Variants in SIGLEC1 observed in about 807,000 individuals in gnomAD.
SIGLEC1 encodes the protein sialoadhesin.
Under a neutral mutation model 148.0 loss-of-function variants are expected in SIGLEC1, and 132 were observed. That is an observed-to-expected ratio of 0.89 (90% confidence interval 0.77 to 1.03). The LOEUF (loss-of-function observed/expected upper bound fraction) is 1.03, where lower values mean the gene tolerates loss of function less well. SIGLEC1 is among the 50% of genes least tolerant of loss of function. The pLI is 0.00. For missense variants in SIGLEC1, 2,253 were observed against 2,271.4 expected, an observed-to-expected ratio of 0.99 and a Z score of 0.16; for synonymous variants, 945 against 969.0, an observed-to-expected ratio of 0.98 and a Z score of 0.46.
rs776096056 is a variant in SIGLEC1 at position 3,707,131 on chromosome 20, C to G, written c.-3G>C. The G allele has an allele frequency of 4.3e-6, 7 of 1,613,992 alleles. No individual in the cohort carries two copies. The South Asian group carries it at 7.7e-5, about 18-fold the overall frequency. ...AGAAGCTTGGGCAAGAAGCCCATAG[C>G]AGGTTCTTGTGCTGCTCCTGTTGCC... On this transcript the variant is annotated 5_prime_UTR_variant, in exon 2 of 22. Coordinates refer to ENST00000344754, the MANE Select transcript of SIGLEC1 (RefSeq NM_023068.4).
chr20:3,706,454 A>G lies in SIGLEC1; in HGVS notation c.302T>C (p.Leu101Pro). 6.2e-7 allele frequency: 1 copy of G among 1,614,114 alleles called. No individual in the cohort carries two copies. The highest frequency in any genetic ancestry group is 8.5e-7 in the Non-Finnish European group (1 of 1,180,032). ...GTCCTCGGGCTGCAGGTCCTTCAGC[A>G]GCAGGTTGCACACCCTGTGCTCGGG... ...GNPEHRVCNL[L>P]LKDLQPEDSG... The change falls in exon 3 of 22, where the codon CTG (leucine) becomes CCG (proline). Residue 101 changes from leucine to proline, a missense_variant. Physicochemically the swap from Leu to Pro is moderately conservative, Grantham distance 98. Coordinates refer to ENST00000344754, the MANE Select transcript of SIGLEC1 (RefSeq NM_023068.4).
chr20:3,690,263 G>A lies in SIGLEC1; in HGVS notation c.4593C>T (p.Tyr1531=), dbSNP rs1052977076. 1 of 1,541,332 alleles carries A rather than the reference G, an allele frequency of 6.5e-7. No individual in the cohort carries two copies. The highest frequency in any genetic ancestry group is 8.8e-7 in the Non-Finnish European group (1 of 1,142,116). Reference sequence around the variant, plus strand: ...CCATCATGGTGGGCGTCTTGGGAGGGTCTGTGGGGAGGAAGGGAGTGTGGT... The same window carrying A: ...CCATCATGGTGGGCGTCTTGGGAGGATCTGTGGGGAGGAAGGGAGTGTGGT... ...ASAPVMLRVL[Y]PPKTPTMMVF... The change falls in exon 19 of 22, where the codon TAC becomes TAT. Residue 1531 remains tyrosine, a splice_region_variant and synonymous_variant. Transcript: ENST00000344754.
At chr20:3,701,269 T>C (rs2087848528) in intron 7 of SIGLEC1, 73 bp downstream of exon 7, 1 of 1,385,470 alleles carries the variant, frequency 7.2e-7, no homozygotes, top group Non-Finnish European at 9.8e-7. Flanking sequence ...ACTAGACTTC[T>C]AGAAGGAACA....
Position 3,690,108 on chromosome 20 carries a change from G to T in SIGLEC1, c.4748C>A (p.Ala1583Glu), listed in dbSNP as rs754513185. 1.9e-6 allele frequency: 3 copies of T among 1,610,994 alleles called. No homozygotes were observed. The highest frequency in any genetic ancestry group is 1.7e-5 in the Admixed American group (1 of 59,806). Residue 1583 changes from alanine to glutamate, a missense_variant, in exon 19 of 22, where the codon GCA becomes GAA. Physicochemically the swap from Ala to Glu is moderately radical, Grantham distance 107. Transcript: ENST00000344754. ...AGCCAGGACATGGATGTGTGGCTCT[G>T]CAGGAGCACCCTGGGGCTGACTGGA... ...VASSQPQGAP[A>E]EPHIHVLASP...
Position 3,698,009 on chromosome 20 carries a change from G to C in SIGLEC1, c.1911C>G (p.Leu637=). ...DSDPPARLQL[L]HKDRVVATSL... Reference sequence around the variant, plus strand: ...AAGTGGCCACAACACGGTCCTTGTGGAGCAGCTGCAGCCTGGCGGGGGGGT... The same window carrying C: ...AAGTGGCCACAACACGGTCCTTGTGCAGCAGCTGCAGCCTGGCGGGGGGGT... The change falls in exon 9 of 22, where the codon CTC becomes CTG. Residue 637 remains leucine (L), a synonymous_variant. Transcript: ENST00000344754. 1 of 1,610,828 alleles carries C rather than the reference G, an allele frequency of 6.2e-7. No homozygotes were observed. The highest frequency in any genetic ancestry group is 8.5e-7 in the Non-Finnish European group (1 of 1,178,796).
rs1300265541 is a variant in SIGLEC1, at chr20:3,703,396, T to C, written c.1029A>G (p.Thr343=). 1.2e-6 allele frequency: 2 copies of C among 1,604,676 alleles called. No individual in the cohort carries two copies. Among genetic ancestry groups the C allele is most frequent in the Non-Finnish European group, 8.5e-7 (1 of 1,174,680 alleles). ...AGPILENQTV[T]LVCNTPNEAP... is the part of the protein sequence containing the mutation. ...CCTCATTGGGTGTGTTGCAGACTAG[T>C]GTCACTGTCTGGTTCTCCAGGATGG... is the stretch of plus-strand genomic sequence containing the variant. The change falls in exon 6 of 22, where the codon ACA becomes ACG. Residue 343 remains threonine, a synonymous_variant. Transcript: ENST00000344754.
At chr20:3,699,870 G>C (rs1466678320) in intron 7 of SIGLEC1, among the ~76,000 whole-genome samples, 1 of 151,974 alleles carries the variant, frequency 6.6e-6, no homozygotes, top group Non-Finnish European at 1.5e-5. Context: ...GAGTGCAGTG[G>C]TGTGATCCTG....
intron 17 of SIGLEC1, 32 bp downstream of exon 17, chr20:3,691,871 G>T: frequency 6.5e-7 from 1 of 1,546,094 alleles, no homozygotes; most frequent in Non-Finnish European, 8.8e-7. Context: ...GAGAGCATCA[G>T]AGCCCCTCCT....
chr20:3,689,092 G>C (rs2088727786), intron 21 of SIGLEC1, 63 bp downstream of exon 21: 1 of 1,389,932 alleles, frequency 7.2e-7, no homozygotes, highest in Admixed American at 1.7e-5. Flanking sequence ...GCAGTCTCCA[G>C]ATGCCAGTTG....
rs779945126 is a variant in SIGLEC1 at position 3,703,848 on chromosome 20, G to A, written c.950C>T (p.Pro317Leu). Residue 317 changes from proline (P) to leucine (L), a missense_variant, in exon 5 of 22, where the codon CCC becomes CTC. By Grantham distance (98) the Pro-to-Leu change is moderately conservative. Coordinates refer to ENST00000344754, the MANE Select transcript of SIGLEC1 (RefSeq NM_023068.4). Reference sequence around the variant, plus strand: ...ACTGAAGATGTGGAGGCTGATGGGGGGTGAGACCAAAGAGCCCACGCCGTT... The same window carrying A: ...ACTGAAGATGTGGAGGCTGATGGGGAGTGAGACCAAAGAGCCCACGCCGTT... ...AENGVGSLVSPPISLHIFMAE... is the reference protein window; with the variant it reads ...AENGVGSLVSLPISLHIFMAE... The A allele has an allele frequency of 3.7e-6, 6 of 1,614,044 alleles. No individual in the cohort carries two copies. Among genetic ancestry groups the A allele is most frequent in the Non-Finnish European group, 4.2e-6 (5 of 1,180,018 alleles).
At chr20:3,706,224 T>C in intron 3 of SIGLEC1, 123 bp downstream of exon 3, 1 of 1,422,932 alleles carries the variant, frequency 7.0e-7, no homozygotes, top group Non-Finnish European at 9.5e-7. Context: ...ACGCCGGGGC[T>C]GGAACAGAGG....
intron 4 of SIGLEC1, among the ~76,000 whole-genome samples, 194 bp from the exon 5 acceptor site, chr20:3,704,285 C>T (rs899481453): frequency 6.6e-6 from 1 of 152,224 alleles, no homozygotes; most frequent in Non-Finnish European, 1.5e-5. Flanking sequence ...GCGCCTGATG[C>T]ATTCCTATGC....
chr20:3,706,937 G>T, intron 2 of SIGLEC1, 143 bp downstream of exon 2: 1 of 1,063,204 alleles, frequency 9.4e-7, no homozygotes, highest in South Asian at 1.4e-5. Flanking sequence ...GCAGCTTCCT[G>T]CCCAGCTCCT....
chr20:3,696,506 A>C (rs1246289132), intron 11 of SIGLEC1, 80 bp downstream of exon 11: 1 of 1,387,816 alleles, frequency 7.2e-7, no homozygotes, highest in African/African-American at 1.4e-5. Context: ...CACAAAATTC[A>C]CAGCACCCAG....
At chr20:3,708,436 A>G (rs2087910699) in intron 1 of SIGLEC1, among the ~76,000 whole-genome samples, 2 of 151,722 alleles carry the variant, frequency 1.3e-5, no homozygotes, top group Admixed American at 6.6e-5. Flanking sequence ...AATTAAAAGC[A>G]CGAAAAAAAA....
chr20:3,688,814 C>T (rs1334691552), intron 21 of SIGLEC1, 195 bp from the exon 22 acceptor site: 4 of 601,200 alleles, frequency 6.7e-6, no homozygotes, highest in Non-Finnish European at 1.2e-5. Context: ...CTGACTTTCA[C>T]TTCTGCCCAG....
At position 3,697,260 on chromosome 20, in the gene SIGLEC1, A is replaced by T. The variant is rs747651969; in HGVS notation, c.2205T>A (p.Ala735=). The T allele has an allele frequency of 6.2e-7, 1 of 1,613,854 alleles. No homozygotes were observed. The highest frequency in any genetic ancestry group is 1.7e-5 in the Admixed American group (1 of 60,006). The part of the protein sequence containing the change: ...ANLTCNVSRE[A]AGSPANFSWF... ...AGGAGAAGTTAGCAGGGCTGCCAGC[A>T]GCTTCCCGGCTCACGTTGCAAGTCA... The change falls in exon 10 of 22, where the codon GCT becomes GCA. Residue 735 remains alanine (A), a synonymous_variant. Coordinates refer to ENST00000344754, the MANE Select transcript of SIGLEC1 (RefSeq NM_023068.4).
rs1392740187 is a variant in SIGLEC1 at position 3,696,748 on chromosome 20, C to A, written c.2521G>T (p.Gly841Cys). The A allele has an allele frequency of 6.2e-7, 1 of 1,613,190 alleles. No individual in the cohort carries two copies. The highest frequency in any genetic ancestry group is 1.7e-5 in the Admixed American group (1 of 59,988). Reference sequence around the variant, plus strand: ...CGACCATGGGATGGGACCTGGGGACCCAGGCTGGTGGCCAGGAGGTGCTCC... The same window carrying A: ...CGACCATGGGATGGGACCTGGGGACACAGGCTGGTGGCCAGGAGGTGCTCC... ...HGEHLLATSL[G>C]PQVPSHGRFQ... Residue 841 changes from glycine (G) to cysteine (C), a missense_variant, in exon 11 of 22, where the codon GGT becomes TGT. Gly to Cys is a radical substitution (Grantham distance 159, BLOSUM62 -3). Coordinates refer to ENST00000344754, the MANE Select transcript of SIGLEC1 (RefSeq NM_023068.4).
Position 3,707,077 on chromosome 20 carries a change from T to C in SIGLEC1, c.49+3A>G, listed in dbSNP as rs750455850. ...AGACAGGCACTAGGCCCGCAAAGCT[T>C]ACCTGCTGGGAAGAATGAGGCCAGG... On this transcript the variant is annotated splice_donor_region_variant and intron_variant, in intron 2 of 21. Coordinates refer to ENST00000344754, the MANE Select transcript of SIGLEC1 (RefSeq NM_023068.4). The C allele has an allele frequency of 5.6e-6, 9 of 1,613,820 alleles. No homozygotes were observed. The highest frequency in any genetic ancestry group is 7.6e-6 in the Non-Finnish European group (9 of 1,179,866).
Sources: allele counts gnomAD v4.1 joint callset (sites outside exome capture counted in the v4.1 genomes callset), GRCh38; gene constraint gnomAD v4.1.1; transcripts MANE v1.5; gene names NCBI Gene and HGNC (gene_info 2026-07-23, HGNC 2026-07-21).